The following HERC4 variants were observed in gnomAD, a reference collection of about 807,000 sequenced individuals.
HERC4 encodes HECT and RLD domain containing E3 ubiquitin protein ligase 4.
A neutral mutation model predicts 124.3 loss-of-function variants in HERC4; 28 were observed. The observed-to-expected ratio is 0.23, with a 90% CI of 0.17 to 0.31. The LOEUF (loss-of-function observed/expected upper bound fraction) is 0.31. HERC4 is among the 10% of genes least tolerant of loss of function. HERC4 has a pLI of 1.00. For missense variants in HERC4, 713 were observed against 1,229.3 expected, an observed-to-expected ratio of 0.58 and a Z score of 6.28; for synonymous variants, 407 against 421.5, an observed-to-expected ratio of 0.97 and a Z score of 0.42.
At chr10:67,943,224 AAG>A (rs2033062329) in intron 19 of HERC4, among the ~76,000 whole-genome samples, 3 of 152,206 alleles carry the variant, frequency 2.0e-5, no homozygotes, top group Non-Finnish European at 2.9e-5. Flanking sequence ...AATTCTGTTT[AAG>A]TTTATAAAGT....
intron 10 of HERC4, 122 bp from the exon 11 acceptor site, chr10:67,992,445 A>C (rs2036602987): frequency 1.5e-6 from 2 of 1,324,416 alleles, no homozygotes; most frequent in Non-Finnish European, 2.1e-6. Flanking sequence ...CACCTGAAAC[A>C]AAAACCTATC....
intron 7 of HERC4, 91 bp downstream of exon 7, chr10:68,032,685 CAA>C: frequency 1.5e-6 from 1 of 677,312 alleles, no homozygotes; most frequent in Non-Finnish European, 2.6e-6. Flanking sequence ...CAATAACACT[CAA>C]GTTAAAACTT....
At chr10:68,010,249 G>A (rs1460333163) in intron 9 of HERC4, 20 of 1,030,440 alleles carry the variant, frequency 1.9e-5, no homozygotes, top group Non-Finnish European at 2.9e-5. Flanking sequence ...CAGAAACAGG[G>A]GGAAAGGCAC....
chr10:68,047,939 TTG>T (rs1307691562), intron 3 of HERC4, among the ~76,000 whole-genome samples: 1 of 152,050 alleles, frequency 6.6e-6, no homozygotes, highest in Non-Finnish European at 1.5e-5. Context: ...GTTTTTTTTT[TTG>T]TGAGACAGGG....
intron 16 of HERC4, 37 bp from the exon 17 acceptor site, chr10:67,957,013 T>C: frequency 8.2e-7 from 1 of 1,222,402 alleles, no homozygotes; most frequent in South Asian, 1.4e-5. Context: ...TACAAGTTGA[T>C]TTGTGATATA....
At position 68,045,012 on chromosome 10, in the gene HERC4, T is replaced by G. The variant is rs1404720357; in HGVS notation, c.227-449A>C. Among the ~76,000 whole-genome samples, 2 of 152,182 alleles carry G rather than the reference T, an allele frequency of 1.3e-5. 1 individual carries two copies. Among genetic ancestry groups the G allele is most frequent in the African/African-American group, 4.8e-5 (2 of 41,430 alleles). On this transcript the variant is annotated intron_variant, in intron 3 of 24. Coordinates refer to ENST00000373700, the MANE Select transcript of HERC4 (RefSeq NM_015601.4). ...ATATATTACAATGTATATGCTGCCA[T>G]GAAGTGATTCTGAAATTAAGGAAAC...
At chr10:67,923,178 C>CA (rs576625760) in intron 24 of HERC4, 39 bp from the exon 25 acceptor site, 1 of 1,470,372 alleles carries the variant, frequency 6.8e-7, no homozygotes, top group African/African-American at 1.4e-5. Flanking sequence ...CACTTCAAAA[C>CA]AAAAAGATAC....
chr10:68,039,347 A>G lies in HERC4; in HGVS notation c.387-1178T>C, dbSNP rs967931266. The G allele has an allele frequency of 3.4e-6, 5 of 1,489,938 alleles. No individual in the cohort carries two copies. The African/African-American group carries it at 5.7e-5, about 17-fold the overall frequency. The allele number at this position is 1,489,938 out of a possible 1,614,324, so 92.3% of individuals were successfully genotyped here. ...AAAAAAAAAAAAAGAAAGAAAGAAAAGAAAAAACGGGGGATGGGGAGGTAC... is the reference window on the plus strand; with the variant it reads ...AAAAAAAAAAAAAGAAAGAAAGAAAGGAAAAAACGGGGGATGGGGAGGTAC... On this transcript the variant is annotated intron_variant, in intron 4 of 24. Transcript: ENST00000373700.
At chr10:67,997,449 G>C (rs1401138427) in intron 9 of HERC4, among the ~76,000 whole-genome samples, 1 of 152,054 alleles carries the variant, frequency 6.6e-6, no homozygotes. Flanking sequence ...TGTCACCGTA[G>C]TAAAATAGGT....
At chr10:68,047,567 CA>C (rs1335314906) in intron 3 of HERC4, among the ~76,000 whole-genome samples, 3 of 151,998 alleles carry the variant, frequency 2.0e-5, no homozygotes, top group Non-Finnish European at 4.4e-5. Flanking sequence ...AGTAAAAGAC[CA>C]AAACTGACAC....
chr10:68,015,853 A>G (rs940584935), intron 8 of HERC4, among the ~76,000 whole-genome samples: 1 of 152,182 alleles, frequency 6.6e-6, no homozygotes, highest in Non-Finnish European at 1.5e-5. Context: ...CTATAATTCC[A>G]GCACTTTGGG....
At chr10:67,925,339 C>T (rs2030781965) in intron 23 of HERC4, 152 bp from the exon 24 acceptor site, 1 of 518,200 alleles carries the variant, frequency 1.9e-6, no homozygotes, top group Admixed American at 3.7e-5. Context: ...GCTATTAGTT[C>T]CAGGAGAAAA....
At chr10:67,940,215 C>T (rs185269883) in intron 20 of HERC4, among the ~76,000 whole-genome samples, 37 of 152,102 alleles carry the variant, frequency 2.4e-4, no homozygotes, top group African/African-American at 7.7e-4. Context: ...CGTGAGCCAC[C>T]GCACCTGGCC....
At chr10:68,039,594 A>C in intron 4 of HERC4, 2 of 1,492,650 alleles carry the variant, frequency 1.3e-6, no homozygotes, top group South Asian at 1.3e-5. Flanking sequence ...TAACTACAAA[A>C]CCTGAGAGCT....
chr10:68,049,386 G>C (rs538549421), intron 3 of HERC4, among the ~76,000 whole-genome samples: 1 of 151,624 alleles, frequency 6.6e-6, no homozygotes, highest in Admixed American at 6.6e-5. Context: ...AAGATAAGTC[G>C]GGCACAGTGG....
chr10:68,038,326 TA>T, intron 4 of HERC4, 157 bp from the exon 5 acceptor site: 2 of 424,338 alleles, frequency 4.7e-6, no homozygotes, highest in Non-Finnish European at 8.3e-6. Flanking sequence ...AAATTTATGC[TA>T]AAATCAGTAA....
rs2459115 is a variant in HERC4 at position 68,031,180 on chromosome 10, G to C, written c.777+1598C>G. Among the ~76,000 whole-genome samples the C allele has an allele frequency of 5.3e-3, 814 of 152,190 alleles. 10 individuals carry two copies. The highest frequency in any genetic ancestry group is 0.018 in the African/African-American group (757 of 41,538). ...GAGAGAAGAATACAAAAGATTAAGA[G>C]AATTAGCATTTCTTAAAACTAAATA... On this transcript the variant is annotated intron_variant, in intron 7 of 24. Transcript: ENST00000373700.
At chr10:67,968,752 G>A (rs942838187) in intron 15 of HERC4, among the ~76,000 whole-genome samples, 1 of 151,952 alleles carries the variant, frequency 6.6e-6, no homozygotes, top group Admixed American at 6.6e-5. Flanking sequence ...ATAATAAAAG[G>A]ATTAATTCAC....
intron 23 of HERC4, among the ~76,000 whole-genome samples, chr10:67,929,161 T>C (rs952077042): frequency 2.6e-5 from 4 of 152,218 alleles, no homozygotes; most frequent in African/African-American, 9.6e-5. Context: ...TTCCATAATG[T>C]TTAACTAGAA....
Sources: allele counts gnomAD v4.1 joint callset (sites outside exome capture counted in the v4.1 genomes callset), GRCh38; gene constraint gnomAD v4.1.1; transcripts MANE v1.5; gene names NCBI Gene and HGNC (gene_info 2026-07-23, HGNC 2026-07-21).